Variants in ZDHHC14 observed in about 807,000 individuals in gnomAD.
The protein encoded by ZDHHC14 is palmitoyltransferase ZDHHC14.
Under a neutral mutation model 47.7 loss-of-function variants are expected in ZDHHC14, and 16 were observed. The observed-to-expected ratio is 0.34, with a 90% confidence interval of 0.23 to 0.51. The LOEUF is 0.51. Among genes scored for constraint, ZDHHC14 ranks in the 20% least tolerant of loss-of-function variants. ZDHHC14 has a pLI of 0.97. For synonymous variants in ZDHHC14, 293 were observed against 278.9 expected, an observed-to-expected ratio of 1.05 and a Z score of -0.50; for missense variants, 515 against 662.5, an observed-to-expected ratio of 0.78 and a Z score of 2.44.
At chr6:157,601,562 T>G (rs764573854) in intron 3 of ZDHHC14, among the ~76,000 whole-genome samples, 12 of 152,146 alleles carry the variant, frequency 7.9e-5, no homozygotes, top group Non-Finnish European at 1.5e-5. Flanking sequence ...AGACATGTAC[T>G]CTCCACAAAT....
intron 1 of ZDHHC14, among the ~76,000 whole-genome samples, chr6:157,406,159 A>T (rs1388879627): frequency 6.6e-6 from 1 of 152,228 alleles, no homozygotes; most frequent in East Asian, 1.9e-4. Context: ...CTTTCCCACC[A>T]GGCCTGAGGC....
In ZDHHC14 at chr6:157,632,862, C is replaced by T; in HGVS notation, c.732C>T (p.Ala244=). ...CACAGCAAACAGGATTCCTAAATGC[C>T]CTTAAGGACAGTCCTGCAAGATATC... ...LRSQQTGFLN[A]LKDSPASVLE... is the part of the protein sequence containing the mutation. The change falls in exon 5 of 9, where the codon GCC becomes GCT. Residue 244 remains alanine, a synonymous_variant. Transcript: ENST00000359775. 2 of 1,614,114 alleles carry T rather than the reference C, an allele frequency of 1.2e-6. No individual in the cohort carries two copies. Among genetic ancestry groups the T allele is most frequent in the Non-Finnish European group, 8.5e-7 (1 of 1,180,012 alleles).
intron 8 of ZDHHC14, among the ~76,000 whole-genome samples, chr6:157,665,182 C>T (rs549716237): frequency 6.6e-6 from 1 of 152,174 alleles, no homozygotes; most frequent in East Asian, 1.9e-4. Context: ...TTCATATACT[C>T]CCTTATATAC....
At chr6:157,550,501 T>C (rs970830209) in intron 2 of ZDHHC14, among the ~76,000 whole-genome samples, 1 of 151,516 alleles carries the variant, frequency 6.6e-6, no homozygotes, top group Admixed American at 6.6e-5. Context: ...ACAGGCACTC[T>C]AGAGAGACCA....
chr6:157,672,804 C>T lies in ZDHHC14; in HGVS notation c.1149C>T (p.Ser383=), dbSNP rs1218181271. The T allele has an allele frequency of 1.2e-6, 2 of 1,612,746 alleles. No homozygotes were observed. The highest frequency in any genetic ancestry group is 1.7e-6 in the Non-Finnish European group (2 of 1,179,770). The stretch of plus-strand genomic sequence containing the variant: ...CGCCCCTGCTGCAGAGCGAGCCCAG[C>T]CTCACCAGCGACGAGCTGCACCTGC... ...AATPLLQSEP[S]LTSDELHLPG... The change falls in exon 9 of 9, where the codon AGC becomes AGT. Residue 383 remains serine (S), a synonymous_variant. Coordinates refer to ENST00000359775, the MANE Select transcript of ZDHHC14 (RefSeq NM_024630.3).
At chr6:157,389,431 C>A (rs1161628935) in intron 1 of ZDHHC14, among the ~76,000 whole-genome samples, 6 of 152,136 alleles carry the variant, frequency 3.9e-5, no homozygotes, top group African/African-American at 9.7e-5. Context: ...GTAATGGCAT[C>A]AGTTTTAGGA....
chr6:157,531,699 T>C (rs1293383531), intron 1 of ZDHHC14, among the ~76,000 whole-genome samples: 4 of 151,974 alleles, frequency 2.6e-5, no homozygotes, highest in Non-Finnish European at 5.9e-5. Context: ...GTAGTGTGTA[T>C]TCAGTGGCTG....
rs1312943233 is a variant in ZDHHC14 at position 157,674,278 on chromosome 6, G to A, written c.*1156G>A. 2.0e-5 allele frequency: 3 copies of A among 152,178 alleles called. No homozygotes were observed. Among genetic ancestry groups the A allele is most frequent in the Admixed American group, 6.5e-5 (1 of 15,276 alleles). The allele number at this position is 152,178 out of a possible 1,614,324, so 9.4% of individuals were successfully genotyped here. A position where few individuals can be genotyped will look rare whatever the true frequency, so the allele number is the denominator to read the frequency against. ...CTTCTGGGCTTCCTTCTGTGTTAAC[G>A]TGTCACTCAATCCCAGAAGTGCAAC... is the stretch of plus-strand genomic sequence containing the variant. On this transcript the variant is annotated 3_prime_UTR_variant, in exon 9 of 9. Coordinates refer to ENST00000359775, the MANE Select transcript of ZDHHC14 (RefSeq NM_024630.3).
At chr6:157,484,498 G>A (rs1377514997) in intron 1 of ZDHHC14, among the ~76,000 whole-genome samples, 2 of 143,012 alleles carry the variant, frequency 1.4e-5, no homozygotes, top group Non-Finnish European at 1.5e-5. Flanking sequence ...ACAAATAGAG[G>A]TATATAACAA....
At chr6:157,501,455 G>T (rs1283741603) in intron 1 of ZDHHC14, among the ~76,000 whole-genome samples, 1 of 149,508 alleles carries the variant, frequency 6.7e-6, no homozygotes, top group Non-Finnish European at 1.5e-5. Context: ...TAAATTAGCT[G>T]TATCTTTCTT....
intron 5 of ZDHHC14, among the ~76,000 whole-genome samples, chr6:157,636,864 G>A (rs1777008474): frequency 6.6e-6 from 1 of 152,212 alleles, no homozygotes; most frequent in Admixed American, 6.5e-5. Flanking sequence ...GCAAAGTACA[G>A]AGACATTTCT....
intron 1 of ZDHHC14, among the ~76,000 whole-genome samples, chr6:157,394,996 C>T (rs141757195): frequency 4.3e-4 from 65 of 150,500 alleles, no homozygotes; most frequent in African/African-American, 1.5e-3. Context: ...GCAGCCAGTT[C>T]GTGCACCCAT....
chr6:157,596,083 C>T (rs191266887), intron 3 of ZDHHC14, among the ~76,000 whole-genome samples: 7 of 152,230 alleles, frequency 4.6e-5, no homozygotes, highest in African/African-American at 1.7e-4. Flanking sequence ...CCACAGGGCT[C>T]CTCAAAACAC....
At chr6:157,613,721 C>T (rs987471387) in intron 3 of ZDHHC14, among the ~76,000 whole-genome samples, 3 of 152,146 alleles carry the variant, frequency 2.0e-5, no homozygotes, top group African/African-American at 7.2e-5. Flanking sequence ...TAAGTTATTT[C>T]AGTTTCTGTG....
chr6:157,555,850 C>T (rs970690523), intron 2 of ZDHHC14, among the ~76,000 whole-genome samples: 2 of 152,178 alleles, frequency 1.3e-5, no homozygotes, highest in African/African-American at 4.8e-5. Flanking sequence ...CAAATGTCCC[C>T]TTGGGCACAA....
chr6:157,587,946 CT>C (rs1783756327), intron 2 of ZDHHC14, among the ~76,000 whole-genome samples: 2 of 152,058 alleles, frequency 1.3e-5, no homozygotes, highest in African/African-American at 4.8e-5. Flanking sequence ...ATAGTGAGAC[CT>C]TGTCTCTATA....
chr6:157,574,133 A>G (rs577385105), intron 2 of ZDHHC14, among the ~76,000 whole-genome samples: 2 of 151,514 alleles, frequency 1.3e-5, no homozygotes, highest in East Asian at 1.9e-4. Flanking sequence ...GCCTTTAAAC[A>G]TACGAGATGC....
At chr6:157,406,428 T>C (rs536855083) in intron 1 of ZDHHC14, among the ~76,000 whole-genome samples, 46 of 152,362 alleles carry the variant, frequency 3.0e-4, no homozygotes, top group Non-Finnish European at 5.9e-4. Context: ...TGGTTGAATA[T>C]GATTGCAGAA....
At chr6:157,633,456 C>G (rs1053965450) in intron 5 of ZDHHC14, among the ~76,000 whole-genome samples, 1 of 152,056 alleles carries the variant, frequency 6.6e-6, no homozygotes, top group Non-Finnish European at 1.5e-5. Flanking sequence ...TGGGGATGGA[C>G]CATAGTATTT....
Sources: gnomAD v4.1 joint callset for allele counts (sites outside exome capture counted in the v4.1 genomes callset) on GRCh38, gnomAD v4.1.1 for gene constraint, MANE v1.5 for transcripts, NCBI Gene and HGNC (gene_info 2026-07-23, HGNC 2026-07-21) for gene names.